Variants in LMO7 observed in about 807,000 individuals in gnomAD.
LMO7 encodes LIM domain only protein 7.
LMO7 carries 120 observed loss-of-function variants against 206.5 expected under a neutral mutation model. That is an observed-to-expected ratio of 0.58 (90% CI 0.50 to 0.68). The LOEUF is 0.68. LMO7 is among the 30% of genes least tolerant of loss of function. The pLI is 0.00. For missense variants in LMO7, 1,959 were observed against 1,957.9 expected, an observed-to-expected ratio of 1.00 and a Z score of -0.01; for synonymous variants, 706 against 681.5, an observed-to-expected ratio of 1.04 and a Z score of -0.56.
At position 75,636,712 on chromosome 13, in the gene LMO7, CA is replaced by C; in HGVS notation, c.56del (p.Gln19ArgfsTer7). On this transcript the variant is annotated frameshift_variant, in exon 1 of 31. Transcript: ENST00000377534. LOFTEE classifies it high-confidence loss of function. ...ANCSVAFAEA[Q>X]RWVEAVTEKN... ...CTGCTCCGTGGCGTTCGCTGAGGCT[CA>C]GAGATGGGTGGAGGTGAGTGCCTTT... 1 of 1,609,134 alleles carries C rather than the reference CA, an allele frequency of 6.2e-7. No homozygotes were observed. The highest frequency in any genetic ancestry group is 1.7e-4 in the Middle Eastern group (1 of 6,058).
chr13:75,826,975 G>T (rs887048784), intron 15 of LMO7, among the ~76,000 whole-genome samples: 3 of 151,970 alleles, frequency 2.0e-5, no homozygotes, highest in African/African-American at 7.3e-5. Flanking sequence ...TCTGCCTTTT[G>T]AGGTCCAATT....
intron 1 of LMO7, among the ~76,000 whole-genome samples, chr13:75,703,469 G>T (rs1428674288): frequency 6.6e-6 from 1 of 152,144 alleles, no homozygotes; most frequent in East Asian, 1.9e-4. Flanking sequence ...ACTACCTACT[G>T]GTCTAGGTCT....
Position 75,636,726 on chromosome 13 carries a change from G to A in LMO7, c.69G>A (p.Glu23=). 6.2e-7 allele frequency: 1 copy of A among 1,605,810 alleles called. No homozygotes were observed. The highest frequency in any genetic ancestry group is 8.5e-7 in the Non-Finnish European group (1 of 1,176,830). ...VAFAEAQRWV[E]AVTEKNFETK... Reference sequence around the variant, plus strand: ...TCGCTGAGGCTCAGAGATGGGTGGAGGTGAGTGCCTTTCACTGCTTTCCCT... The same window carrying A: ...TCGCTGAGGCTCAGAGATGGGTGGAAGTGAGTGCCTTTCACTGCTTTCCCT... The change falls in exon 1 of 31, where the codon GAG becomes GAA. Residue 23 remains glutamate, a splice_region_variant and synonymous_variant. Coordinates refer to ENST00000377534, the MANE Select transcript of LMO7 (RefSeq NM_001306080.2).
chr13:75,853,381 C>G lies in LMO7; in HGVS notation c.4654C>G (p.Arg1552Gly). The change falls in exon 28 of 31, where the codon CGT (arginine) becomes GGT (glycine). Residue 1552 changes from arginine (R) to glycine (G), a missense_variant. Arg to Gly is a moderately radical substitution (Grantham distance 125, BLOSUM62 -2). Coordinates refer to ENST00000377534, the MANE Select transcript of LMO7 (RefSeq NM_001306080.2). ...AGCTTCACAGTCAGGCTCTCAGCTG[C>G]GTAACAGGTGAGGCCCTTGCTGTTT... ...PSASQSGSQL[R>G]NRSVSGKRIC... The G allele has an allele frequency of 6.3e-7, 1 of 1,597,668 alleles. No homozygotes were observed. The highest frequency in any genetic ancestry group is 1.8e-4 in the Middle Eastern group (1 of 5,564).
intron 3 of LMO7, among the ~76,000 whole-genome samples, chr13:75,735,084 C>T (rs934286230): frequency 6.9e-6 from 1 of 144,936 alleles, no homozygotes; most frequent in African/African-American, 2.6e-5. Flanking sequence ...TGCGACAGAG[C>T]GAGACTCCGT....
At chr13:75,659,781 C>T (rs762949621) in intron 1 of LMO7, among the ~76,000 whole-genome samples, 27 of 152,282 alleles carry the variant, frequency 1.8e-4, no homozygotes, top group Middle Eastern at 6.8e-3. Flanking sequence ...TTTAAAAATA[C>T]TTTATTAACT....
At chr13:75,710,828 A>G (rs1451286387) in intron 1 of LMO7, among the ~76,000 whole-genome samples, 1 of 151,978 alleles carries the variant, frequency 6.6e-6, no homozygotes, top group Non-Finnish European at 1.5e-5. Flanking sequence ...AGAACTTCCA[A>G]CACTATGTTG....
At chr13:75,738,206 C>T (rs1193400901) in intron 3 of LMO7, among the ~76,000 whole-genome samples, 5 of 152,208 alleles carry the variant, frequency 3.3e-5, no homozygotes, top group African/African-American at 4.8e-5. Context: ...TGAGTTGTTA[C>T]GGTGTTCCAC....
At chr13:75,684,049 A>G (rs567447031) in intron 1 of LMO7, among the ~76,000 whole-genome samples, 40 of 151,758 alleles carry the variant, frequency 2.6e-4, no homozygotes, top group Admixed American at 2.6e-3. Context: ...GGGAGGGGGG[A>G]CAGAATGAGG....
chr13:75,695,546 C>G (rs539662144), intron 1 of LMO7, among the ~76,000 whole-genome samples: 1 of 152,122 alleles, frequency 6.6e-6, no homozygotes, highest in Non-Finnish European at 1.5e-5. Flanking sequence ...GGGGTTTCAC[C>G]GTGTTGGCTC....
intron 7 of LMO7, 130 bp downstream of exon 7, chr13:75,801,012 G>T (rs2054655268): frequency 1.3e-6 from 1 of 762,412 alleles, no homozygotes; most frequent in Admixed American, 2.3e-5. Flanking sequence ...ATAGAGACTG[G>T]AGTATAATTG....
chr13:75,669,568 G>C (rs1378170421), intron 1 of LMO7, among the ~76,000 whole-genome samples: 2 of 152,120 alleles, frequency 1.3e-5, no homozygotes, highest in Non-Finnish European at 2.9e-5. Context: ...ATGATAGAGG[G>C]GAATAAAATG....
intron 3 of LMO7, among the ~76,000 whole-genome samples, chr13:75,735,794 T>C (rs1025294558): frequency 3.9e-5 from 6 of 151,940 alleles, no homozygotes; most frequent in Non-Finnish European, 7.4e-5. Context: ...TTCAGTTTAA[T>C]AAAACAAATA....
At chr13:75,681,493 C>A (rs1473762368) in intron 1 of LMO7, among the ~76,000 whole-genome samples, 1 of 151,644 alleles carries the variant, frequency 6.6e-6, no homozygotes, top group Non-Finnish European at 1.5e-5. Flanking sequence ...TGAGTTCTGA[C>A]AAATGCATAC....
intron 24 of LMO7, 71 bp from the exon 25 acceptor site, chr13:75,842,780 C>A (rs2059655946): frequency 5.6e-6 from 5 of 896,660 alleles, no homozygotes; most frequent in African/African-American, 1.7e-5. Flanking sequence ...TATTTTGATA[C>A]CCTTTTCTTA....
In LMO7 at chr13:75,855,294, A is replaced by G. The variant is rs759676166; in HGVS notation, c.4696A>G (p.Asn1566Asp). 1.2e-5 allele frequency: 19 copies of G among 1,613,928 alleles called. 1 individual carries two copies. The highest frequency in any genetic ancestry group is 8.9e-5 in the East Asian group (4 of 44,880). Residue 1566 changes from asparagine to aspartate, a missense_variant, in exon 29 of 31, where the codon AAT (asparagine) becomes GAT (aspartate). Coordinates refer to ENST00000377534, the MANE Select transcript of LMO7 (RefSeq NM_001306080.2). ...TGGGAAGCGCATATGCTCCTACTGC[A>G]ATAACATTCTGGGCAAAGGAGCCGC... ...VSGKRICSYC[N>D]NILGKGAAMI...
chr13:75,690,691 C>G (rs2041394319), intron 1 of LMO7, among the ~76,000 whole-genome samples: 1 of 152,180 alleles, frequency 6.6e-6, no homozygotes, highest in African/African-American at 2.4e-5. Context: ...TCCAGTAAAA[C>G]TTTACTTATA....
rs2060629855 is a variant in LMO7 at position 75,853,114 on chromosome 13, G to A, written c.4387G>A (p.Asp1463Asn). 6.2e-7 allele frequency: 1 copy of A among 1,607,322 alleles called. No individual in the cohort carries two copies. Among genetic ancestry groups the A allele is most frequent in the Non-Finnish European group, 8.5e-7 (1 of 1,176,062 alleles). Residue 1463 changes from aspartate (D) to asparagine (N), a missense_variant, in exon 28 of 31, where the codon GAC becomes AAC. Transcript: ENST00000377534. ...MRRGESLDNL[D>N]SPRSNSWRQP... ...CAGAGGCGAATCTTTAGATAACCTG[G>A]ACTCCCCCCGATCCAATTCTTGGAG... is the stretch of plus-strand genomic sequence containing the variant.
At chr13:75,693,861 C>T (rs2041690352) in intron 1 of LMO7, among the ~76,000 whole-genome samples, 1 of 152,122 alleles carries the variant, frequency 6.6e-6, no homozygotes, top group Non-Finnish European at 1.5e-5. Flanking sequence ...TGGGCAGCTC[C>T]CCCATCTTGC....
Sources: gnomAD v4.1 joint callset for allele counts (sites outside exome capture counted in the v4.1 genomes callset) on GRCh38, gnomAD v4.1.1 for gene constraint, MANE v1.5 for transcripts, NCBI Gene and HGNC (gene_info 2026-07-23, HGNC 2026-07-21) for gene names.